Variants in FRMD4A observed in about 807,000 individuals in gnomAD.
The protein encoded by FRMD4A is FERM domain-containing protein 4A.
In FRMD4A, 29 loss-of-function variants were observed where a neutral mutation model predicts 129.1. That is an observed-to-expected ratio of 0.22 (90% CI 0.17 to 0.31). FRMD4A has a LOEUF of 0.31. Among genes scored for constraint, FRMD4A ranks in the 10% least tolerant of loss-of-function variants. FRMD4A has a pLI of 1.00. For missense variants in FRMD4A, 1,272 were observed against 1,375.8 expected (o/e 0.92, Z 1.19); for synonymous variants, 634 against 571.6 (o/e 1.11, Z -1.56).
intron 2 of FRMD4A, among the ~76,000 whole-genome samples, chr10:13,953,016 C>T (rs768097167): frequency 1.3e-5 from 2 of 152,118 alleles, no homozygotes; most frequent in Non-Finnish European, 2.9e-5. Context: ...TAAACTTTAA[C>T]GCTCAGTAGT....
At chr10:13,779,100 T>C (rs983838689) in intron 6 of FRMD4A, among the ~76,000 whole-genome samples, 1 of 152,142 alleles carries the variant, frequency 6.6e-6, no homozygotes, top group Non-Finnish European at 1.5e-5. Flanking sequence ...GGGTGGATCA[T>C]GAGGTCAGGC....
At chr10:13,973,464 G>A (rs924775346) in intron 2 of FRMD4A, among the ~76,000 whole-genome samples, 7 of 152,162 alleles carry the variant, frequency 4.6e-5, no homozygotes, top group Non-Finnish European at 7.3e-5. Context: ...GGGATTACAG[G>A]CATGAGCTAC....
At chr10:14,288,945 T>A (rs1443489032) in intron 2 of FRMD4A, among the ~76,000 whole-genome samples, 2 of 152,246 alleles carry the variant, frequency 1.3e-5, no homozygotes, top group Admixed American at 1.3e-4. Context: ...TTGTTGCATA[T>A]GACAGGATTT....
At chr10:13,686,211 G>A (rs1020786880) in intron 15 of FRMD4A, among the ~76,000 whole-genome samples, 2 of 152,262 alleles carry the variant, frequency 1.3e-5, no homozygotes, top group Non-Finnish European at 2.9e-5. Flanking sequence ...CAGGCCATGG[G>A]TAATGGAGGA....
chr10:13,885,149 C>T (rs1435765196), intron 2 of FRMD4A, among the ~76,000 whole-genome samples: 1 of 152,152 alleles, frequency 6.6e-6, no homozygotes, highest in Non-Finnish European at 1.5e-5. Context: ...CTTGGGGAGG[C>T]CAAGGCAGGA....
chr10:13,736,252 A>T (rs562984490), intron 12 of FRMD4A, among the ~76,000 whole-genome samples: 2 of 152,300 alleles, frequency 1.3e-5, no homozygotes, highest in African/African-American at 4.8e-5. Context: ...ACAGAAAATT[A>T]AAAATGCCAC....
chr10:14,013,089 A>G (rs976378129), intron 2 of FRMD4A, among the ~76,000 whole-genome samples: 3 of 152,134 alleles, frequency 2.0e-5, no homozygotes, highest in East Asian at 3.9e-4. Flanking sequence ...AGCTGGAGAA[A>G]GAGATGGGAA....
At chr10:14,061,472 A>C (rs147674238) in intron 2 of FRMD4A, among the ~76,000 whole-genome samples, 5 of 152,270 alleles carry the variant, frequency 3.3e-5, no homozygotes, top group African/African-American at 1.2e-4. Context: ...AAAATATAAA[A>C]ATAAGCTGTC....
chr10:14,115,457 A>G (rs1477788727), intron 2 of FRMD4A, among the ~76,000 whole-genome samples: 2 of 152,156 alleles, frequency 1.3e-5, no homozygotes, highest in African/African-American at 2.4e-5. Context: ...AGATGAGGAT[A>G]TTGCTTATAT....
intron 2 of FRMD4A, among the ~76,000 whole-genome samples, chr10:14,104,133 C>T (rs1270163200): frequency 1.3e-5 from 2 of 151,804 alleles, no homozygotes; most frequent in South Asian, 2.1e-4. Context: ...GTCTACACTG[C>T]CATTGAGGTT....
chr10:14,295,462 C>A (rs1282102041), intron 2 of FRMD4A, among the ~76,000 whole-genome samples: 2 of 152,202 alleles, frequency 1.3e-5, no homozygotes, highest in African/African-American at 2.4e-5. Context: ...AGTCCCATTT[C>A]TTGAGCTTTC....
intron 2 of FRMD4A, among the ~76,000 whole-genome samples, chr10:14,073,514 C>A (rs1490794925): frequency 1.3e-5 from 2 of 152,116 alleles, no homozygotes; most frequent in African/African-American, 4.8e-5. Context: ...CCTGGATATA[C>A]CCTCCCAAAG....
rs548139900 is a variant in FRMD4A at position 14,088,451 on chromosome 10, A to G, written c.46-229539T>C. Among the ~76,000 whole-genome samples the G allele has an allele frequency of 2.4e-4, 37 of 151,112 alleles. No homozygotes were observed. The South Asian group carries it at 2.7e-3, about 11-fold the overall frequency. On this transcript the variant is annotated intron_variant, in intron 2 of 24. Transcript: ENST00000357447. ...CAGAACAAGACTCTTCCTAAAAGAA[A>G]AAAAAAAAAAAAGGAACGACGAATC...
At chr10:13,805,179 T>C (rs191314760) in intron 4 of FRMD4A, among the ~76,000 whole-genome samples, 101 of 152,222 alleles carry the variant, frequency 6.6e-4, no homozygotes, top group African/African-American at 2.3e-3. Flanking sequence ...GGTCTTGCTC[T>C]GTTGCCCAGG....
At chr10:13,974,945 A>G (rs2095536150) in intron 2 of FRMD4A, among the ~76,000 whole-genome samples, 1 of 152,220 alleles carries the variant, frequency 6.6e-6, no homozygotes, top group African/African-American at 2.4e-5. Flanking sequence ...CTTGCTTTTC[A>G]AAGGGATTTA....
At chr10:13,690,422 A>T (rs2085571321) in intron 15 of FRMD4A, among the ~76,000 whole-genome samples, 1 of 152,192 alleles carries the variant, frequency 6.6e-6, no homozygotes, top group Non-Finnish European at 1.5e-5. Flanking sequence ...TCCCAGCGGG[A>T]GGGAGAACAA....
Position 14,098,306 on chromosome 10 carries a change from T to A in FRMD4A, c.45+231752A>T, listed in dbSNP as rs563210839. Among the ~76,000 whole-genome samples, 9 of 151,476 alleles carry A rather than the reference T, an allele frequency of 5.9e-5. No homozygotes were observed. The South Asian group carries it at 1.9e-3, about 32-fold the overall frequency. On this transcript the variant is annotated intron_variant, in intron 2 of 24. Coordinates refer to ENST00000357447, the MANE Select transcript of FRMD4A (RefSeq NM_018027.5). The stretch of plus-strand genomic sequence containing the variant: ...TACAGTTGTGGTTCTAAAATGCAGA[T>A]CATATCATTCTCTCCAATATTCTCA...
In FRMD4A at chr10:14,288,511, G is replaced by C. The variant is rs148293469; in HGVS notation, c.45+41547C>G. On this transcript the variant is annotated intron_variant, in intron 2 of 24. Coordinates refer to ENST00000357447, the MANE Select transcript of FRMD4A (RefSeq NM_018027.5). Reference sequence around the variant, plus strand: ...CTAAAGGATGCTGCATTATGGAATGGAAGAAGAGCGATTTTGCAAGGCTTC... The same window carrying C: ...CTAAAGGATGCTGCATTATGGAATGCAAGAAGAGCGATTTTGCAAGGCTTC... Among the ~76,000 whole-genome samples the C allele has an allele frequency of 1.5e-3, 224 of 152,286 alleles. 1 individual carries two copies. The highest frequency in any genetic ancestry group is 5.1e-3 in the African/African-American group (214 of 41,562).
At chr10:14,038,864 G>A (rs11258814) in intron 2 of FRMD4A, among the ~76,000 whole-genome samples, 3 of 152,124 alleles carry the variant, frequency 2.0e-5, no homozygotes, top group Non-Finnish European at 4.4e-5. Context: ...ACTCTCCTGC[G>A]AATCTGATTA....
Sources: allele counts gnomAD v4.1 joint callset (sites outside exome capture counted in the v4.1 genomes callset), GRCh38; gene constraint gnomAD v4.1.1; transcripts MANE v1.5; gene names NCBI Gene and HGNC (gene_info 2026-07-23, HGNC 2026-07-21).